Variants in CDKN3 observed in about 807,000 individuals in gnomAD.
CDKN3 encodes the protein cyclin-dependent kinase inhibitor 3.
Under a neutral mutation model 36.1 loss-of-function variants are expected in CDKN3, and 19 were observed. The observed-to-expected ratio is 0.53, with a 90% CI of 0.37 to 0.77. CDKN3 has a LOEUF of 0.77. CDKN3 is among the 30% of genes least tolerant of loss of function. CDKN3 has a pLI of 0.00. For missense variants in CDKN3, 188 were observed against 248.6 expected (o/e 0.76, Z 1.64); for synonymous variants, 71 against 85.3 (o/e 0.83, Z 0.92).
chr14:54,410,450 T>C (rs1300383958), intron 4 of CDKN3, among the ~76,000 whole-genome samples: 1 of 151,310 alleles, frequency 6.6e-6, no homozygotes, highest in East Asian at 1.9e-4. Context: ...ACTTAGATCA[T>C]CCAGTTATTT....
chr14:54,408,968 C>T (rs1167759178), intron 4 of CDKN3, among the ~76,000 whole-genome samples, 179 bp downstream of exon 4: 9 of 152,000 alleles, frequency 5.9e-5, no homozygotes, highest in African/African-American at 1.9e-4. Flanking sequence ...TGAAGACCAT[C>T]ATTTACCTAA....
intron 2 of CDKN3, 131 bp downstream of exon 2, chr14:54,400,107 A>G: frequency 1.6e-6 from 1 of 621,642 alleles, no homozygotes; most frequent in South Asian, 1.9e-5. Context: ...TCCCCCTCTG[A>G]TTATATAATT....
chr14:54,401,653 G>T, intron 3 of CDKN3, 74 bp downstream of exon 3: 2 of 1,063,070 alleles, frequency 1.9e-6, no homozygotes, highest in Admixed American at 2.4e-5. Flanking sequence ...AGTAGCTTTT[G>T]GGGGGACAGG....
intron 7 of CDKN3, 160 bp downstream of exon 7, chr14:54,418,111 T>C: frequency 1.4e-6 from 1 of 692,188 alleles, no homozygotes; most frequent in Non-Finnish European, 2.7e-6. Context: ...ATGCTTTTAG[T>C]TTTTAAAAAT....
At chr14:54,416,178 T>C (rs1310387668) in intron 6 of CDKN3, among the ~76,000 whole-genome samples, 1 of 152,178 alleles carries the variant, frequency 6.6e-6, no homozygotes, top group Non-Finnish European at 1.5e-5. Flanking sequence ...TGCATTCTTA[T>C]TTTTTAACAT....
Position 54,399,948 on chromosome 14 carries a change from G to A in CDKN3, c.64G>A (p.Asp22Asn). The stretch of plus-strand genomic sequence containing the variant: ...CTCATCAGATGAAGAGCCTATTGAA[G>A]ATGAACAGACTCCAATTCATATATC... ...FDSSDEEPIE[D>N]EQTPIHISWL... The change falls in exon 2 of 8, where the codon GAT becomes AAT. Residue 22 changes from aspartate to asparagine, a missense_variant. By Grantham distance (23) the Asp-to-Asn change is conservative. Coordinates refer to ENST00000335183, the MANE Select transcript of CDKN3 (RefSeq NM_005192.4). 1 of 1,554,696 alleles carries A rather than the reference G, an allele frequency of 6.4e-7. No homozygotes were observed. Among genetic ancestry groups the A allele is most frequent in the Non-Finnish European group, 8.9e-7 (1 of 1,126,174 alleles).
chr14:54,404,692 A>T (rs188274589), intron 3 of CDKN3, among the ~76,000 whole-genome samples: 34 of 152,082 alleles, frequency 2.2e-4, no homozygotes, highest in Admixed American at 5.9e-4. Flanking sequence ...CTCCTGCGTC[A>T]GCCTCCCTAG....
chr14:54,418,898 G>A (rs1280708256), intron 7 of CDKN3, among the ~76,000 whole-genome samples: 1 of 152,156 alleles, frequency 6.6e-6, no homozygotes, highest in Non-Finnish European at 1.5e-5. Flanking sequence ...GGTGGCTCAT[G>A]CCTATATCCT....
intron 5 of CDKN3, chr14:54,411,955 GCTTTT>G: frequency 3.6e-6 from 2 of 560,078 alleles, no homozygotes; most frequent in African/African-American, 1.9e-5. Context: ...AAGGTTACAA[GCTTTT>G]CTTTTTTATT....
rs566560309 is a variant in CDKN3 at position 54,414,656 on chromosome 14, C to T, written c.417-1243C>T. The stretch of plus-strand genomic sequence containing the variant: ...GAACTGCCGGGCTCAAGCGATCCTC[C>T]CACCTCAGGCTCCCGAGTAGCTAGG... On this transcript the variant is annotated intron_variant, in intron 5 of 7. Transcript: ENST00000335183. Among the ~76,000 whole-genome samples, 3 of 151,372 alleles carry T rather than the reference C, an allele frequency of 2.0e-5. No homozygotes were observed. In the East Asian group the frequency reaches 5.8e-4, roughly 29 times the overall value.
chr14:54,404,403 T>G (rs1369012097), intron 3 of CDKN3, among the ~76,000 whole-genome samples: 1 of 152,154 alleles, frequency 6.6e-6, no homozygotes, highest in East Asian at 1.9e-4. Flanking sequence ...GATATCCCCT[T>G]TATCATTTTT....
chr14:54,416,697 C>A (rs538026088), intron 6 of CDKN3, among the ~76,000 whole-genome samples: 87 of 152,094 alleles, frequency 5.7e-4, no homozygotes, highest in Non-Finnish European at 9.7e-4. Flanking sequence ...TGCCTGTAGT[C>A]CCAGCTCCTT....
intron 3 of CDKN3, among the ~76,000 whole-genome samples, chr14:54,407,295 G>T (rs1371569346): frequency 6.6e-6 from 1 of 152,226 alleles, no homozygotes; most frequent in Non-Finnish European, 1.5e-5. Context: ...CTGCTGGGAG[G>T]TGTCTCCCCG....
At chr14:54,397,854 C>T (rs760197241) in intron 1 of CDKN3, among the ~76,000 whole-genome samples, 14 of 152,120 alleles carry the variant, frequency 9.2e-5, no homozygotes, top group Non-Finnish European at 1.6e-4. Flanking sequence ...AGCCTAGGGC[C>T]GGGTGGTGTC....
chr14:54,417,359 G>C (rs914442931), intron 6 of CDKN3, among the ~76,000 whole-genome samples: 1 of 152,198 alleles, frequency 6.6e-6, no homozygotes, highest in Non-Finnish European at 1.5e-5. Flanking sequence ...CAATATGTAT[G>C]AACCCTGAAC....
At chr14:54,405,944 G>C (rs1210856201) in intron 3 of CDKN3, among the ~76,000 whole-genome samples, 1 of 152,142 alleles carries the variant, frequency 6.6e-6, no homozygotes, top group Non-Finnish European at 1.5e-5. Context: ...GATGGTCTTT[G>C]CATTTTTGTA....
At chr14:54,397,964 C>T (rs1886364190) in intron 1 of CDKN3, among the ~76,000 whole-genome samples, 1 of 152,198 alleles carries the variant, frequency 6.6e-6, no homozygotes, top group South Asian at 2.1e-4. Flanking sequence ...AACCCCGTCT[C>T]TACTAAAAAT....
At chr14:54,409,415 G>A (rs994845248) in intron 4 of CDKN3, among the ~76,000 whole-genome samples, 2 of 152,084 alleles carry the variant, frequency 1.3e-5, no homozygotes, top group South Asian at 2.1e-4. Context: ...TAGTCCTACC[G>A]ATATCCTTAT....
chr14:54,408,851 C>T (rs745586211), intron 4 of CDKN3, 62 bp downstream of exon 4: 1 of 1,478,296 alleles, frequency 6.8e-7, no homozygotes, highest in Non-Finnish European at 8.9e-7. Flanking sequence ...TTGAAAAACT[C>T]TCTGTCAAAA....
Sources: allele counts gnomAD v4.1 joint callset (sites outside exome capture counted in the v4.1 genomes callset), GRCh38; gene constraint gnomAD v4.1.1; transcripts MANE v1.5; gene names NCBI Gene and HGNC (gene_info 2026-07-23, HGNC 2026-07-21).